ADGRL3: variants seen among roughly 807,000 people sequenced by gnomAD.
ADGRL3 encodes adhesion G protein-coupled receptor L3, also known as calcium-independent alpha-latrotoxin receptor 3.
Under a neutral mutation model 153.5 loss-of-function variants are expected in ADGRL3, and 62 were observed. That is an observed-to-expected ratio of 0.40 (90% CI 0.33 to 0.50). The LOEUF (loss-of-function observed/expected upper bound fraction) is 0.50. Ranked by LOEUF, ADGRL3 falls within the 20% of genes least tolerant of loss-of-function variation. The pLI is 0.47. For synonymous variants in ADGRL3, 710 were observed against 672.5 expected (o/e 1.06, Z -0.86); for missense variants, 1,641 against 1,859.4 (o/e 0.88, Z 2.16).
At chr4:61,931,163 T>G (rs2098815951) in intron 13 of ADGRL3, among the ~76,000 whole-genome samples, 1 of 152,168 alleles carries the variant, frequency 6.6e-6, no homozygotes, top group African/African-American at 2.4e-5. Context: ...TCTAAAAAAC[T>G]CATTATGAAC....
At chr4:61,855,536 T>C (rs145456865) in intron 9 of ADGRL3, among the ~76,000 whole-genome samples, 105 of 152,238 alleles carry the variant, frequency 6.9e-4, no homozygotes, top group African/African-American at 2.5e-3. Flanking sequence ...TGATAAGAAA[T>C]ACTGATAAAC....
At chr4:61,306,709 G>A (rs1263139337) in intron 1 of ADGRL3, among the ~76,000 whole-genome samples, 2 of 152,110 alleles carry the variant, frequency 1.3e-5, no homozygotes, top group Non-Finnish European at 2.9e-5. Flanking sequence ...CACCTCTTAA[G>A]TGTTCTCTTT....
intron 9 of ADGRL3, among the ~76,000 whole-genome samples, chr4:61,883,106 ACT>A (rs2098518105): frequency 1.3e-5 from 2 of 152,086 alleles, no homozygotes; most frequent in Admixed American, 6.5e-5. Flanking sequence ...TCAGAATGAG[ACT>A]CTGTCTCAAA....
chr4:61,485,777 C>T (rs75612922), intron 2 of ADGRL3, among the ~76,000 whole-genome samples: 3 of 152,256 alleles, frequency 2.0e-5, no homozygotes, highest in African/African-American at 7.2e-5. Flanking sequence ...TACTTAGAAA[C>T]TGTCATTGTT....
intron 5 of ADGRL3, among the ~76,000 whole-genome samples, chr4:61,630,986 G>A (rs1283034427): frequency 6.6e-6 from 1 of 152,174 alleles, no homozygotes; most frequent in Non-Finnish European, 1.5e-5. Flanking sequence ...AATGAATAAA[G>A]TAATCGATAG....
intron 4 of ADGRL3, among the ~76,000 whole-genome samples, chr4:61,526,755 C>T (rs1377830500): frequency 6.6e-6 from 1 of 151,786 alleles, no homozygotes; most frequent in African/African-American, 2.4e-5. Flanking sequence ...CAGAGTAAGA[C>T]CCTACCTCAA....
chr4:61,806,034 C>T (rs1399214796), intron 8 of ADGRL3, among the ~76,000 whole-genome samples: 1 of 152,152 alleles, frequency 6.6e-6, no homozygotes, highest in Non-Finnish European at 1.5e-5. Context: ...GCAATTTTAA[C>T]ATTTGCCTTA....
rs142717310 is a variant in ADGRL3, at chr4:61,336,193, A to G, written c.-239-46931A>G. The stretch of plus-strand genomic sequence containing the variant: ...TATTCAGATCAGTGGAGACTATACA[A>G]ACTGTATATATCCCTATTTTCAAGT... On this transcript the variant is annotated intron_variant, in intron 1 of 26. Transcript: ENST00000683033. Among the ~76,000 whole-genome samples, 66 of 152,340 alleles carry G rather than the reference A, an allele frequency of 4.3e-4. No individual in the cohort carries two copies. In the East Asian group the frequency reaches 0.01, roughly 24 times the overall value.
chr4:61,719,805 G>T (rs1251945148), intron 6 of ADGRL3, among the ~76,000 whole-genome samples: 1 of 151,620 alleles, frequency 6.6e-6, no homozygotes, highest in Non-Finnish European at 1.5e-5. Flanking sequence ...TTTTCATTAT[G>T]TTGGCCAGGC....
chr4:62,069,254 T>C (rs1000933681), intron 26 of ADGRL3, among the ~76,000 whole-genome samples: 1 of 152,156 alleles, frequency 6.6e-6, no homozygotes, highest in Non-Finnish European at 1.5e-5. Flanking sequence ...CCATCACTCA[T>C]TATATAATGG....
At chr4:61,213,111 C>T (rs758715715) in intron 1 of ADGRL3, among the ~76,000 whole-genome samples, 2 of 151,918 alleles carry the variant, frequency 1.3e-5, no homozygotes, top group Admixed American at 1.3e-4. Flanking sequence ...AGAGCAACAA[C>T]AACAACAGAA....
intron 24 of ADGRL3, among the ~76,000 whole-genome samples, chr4:62,038,465 T>C (rs1479156388): frequency 1.3e-5 from 2 of 152,124 alleles, no homozygotes; most frequent in Non-Finnish European, 2.9e-5. Flanking sequence ...GTGCCATTTT[T>C]CCCAGGGCAC....
intron 8 of ADGRL3, among the ~76,000 whole-genome samples, chr4:61,758,523 A>G (rs1162253357): frequency 6.6e-6 from 1 of 151,688 alleles, no homozygotes; most frequent in African/African-American, 2.4e-5. Flanking sequence ...TCTGTTTTCC[A>G]TTTGCTTGGT....
chr4:61,851,590 A>C (rs1402901374), intron 9 of ADGRL3, among the ~76,000 whole-genome samples: 5 of 82,150 alleles, frequency 6.1e-5, no homozygotes, highest in African/African-American at 3.0e-4. Context: ...ACCATGTCTC[A>C]AAAAAAAAAA....
intron 15 of ADGRL3, among the ~76,000 whole-genome samples, chr4:61,937,196 A>G (rs1162383382): frequency 2.0e-5 from 3 of 152,088 alleles, no homozygotes; most frequent in Admixed American, 2.0e-4. Context: ...TGAAGCATAC[A>G]TCTGACCAGT....
At chr4:61,540,149 C>T (rs575255923) in intron 4 of ADGRL3, among the ~76,000 whole-genome samples, 5 of 152,188 alleles carry the variant, frequency 3.3e-5, no homozygotes, top group South Asian at 4.1e-4. Context: ...TTAAATAACT[C>T]GTCCAAAGTC....
intron 2 of ADGRL3, among the ~76,000 whole-genome samples, chr4:61,496,024 G>T (rs1369287155): frequency 6.6e-6 from 1 of 152,124 alleles, no homozygotes; most frequent in Non-Finnish European, 1.5e-5. Context: ...ATCGTACATT[G>T]TTATTTAGAT....
At chr4:61,615,969 A>G (rs1240592975) in intron 5 of ADGRL3, among the ~76,000 whole-genome samples, 2 of 152,134 alleles carry the variant, frequency 1.3e-5, no homozygotes, top group East Asian at 3.9e-4. Context: ...TGCCTCTCAC[A>G]GTCTAAGAAC....
At chr4:61,554,585 A>G (rs2098756859) in intron 4 of ADGRL3, among the ~76,000 whole-genome samples, 1 of 152,262 alleles carries the variant, frequency 6.6e-6, no homozygotes, top group South Asian at 2.1e-4. Flanking sequence ...CACTGTGTGC[A>G]TGTGTATGTG....
Sources: gnomAD v4.1 joint callset for allele counts (sites outside exome capture counted in the v4.1 genomes callset) on GRCh38, gnomAD v4.1.1 for gene constraint, MANE v1.5 for transcripts, NCBI Gene and HGNC (gene_info 2026-07-23, HGNC 2026-07-21) for gene names.